Variants in KIRREL3 observed in about 807,000 individuals in gnomAD.
KIRREL3 encodes kin of IRRE-like protein 3.
KIRREL3 carries 36 observed loss-of-function variants against 89.7 expected under a neutral mutation model. That is an observed-to-expected ratio of 0.40 (90% CI 0.31 to 0.53). KIRREL3 has a LOEUF of 0.53. Ranked by LOEUF, KIRREL3 falls within the 20% of genes least tolerant of loss-of-function variation. The pLI, the probability that KIRREL3 is intolerant of heterozygous loss-of-function variation, is 0.49. For missense variants in KIRREL3, 864 were observed against 1,056.6 expected, an observed-to-expected ratio of 0.82 and a Z score of 2.53; for synonymous variants, 445 against 441.4, an observed-to-expected ratio of 1.01 and a Z score of -0.10.
intron 1 of KIRREL3, among the ~76,000 whole-genome samples, chr11:126,966,812 T>C (rs1458944665): frequency 6.6e-6 from 1 of 152,202 alleles, no homozygotes; most frequent in East Asian, 1.9e-4. Context: ...CTTACAGAAC[T>C]CTCAGGAAGA....
At position 126,912,979 on chromosome 11, in the gene KIRREL3, C is replaced by T. The variant is rs1421419340; in HGVS notation, c.55+87476G>A. On this transcript the variant is annotated intron_variant, in intron 1 of 16. Transcript: ENST00000525144. The surrounding 1 kb of genome is among the most constrained non-coding windows in gnomAD (Gnocchi z 4.7). ...AGAGAGGAAATGCCTTAAGGAACCACGAGATCCCTTGAAGAGACTCAGCTG... is the reference window on the plus strand; with the variant it reads ...AGAGAGGAAATGCCTTAAGGAACCATGAGATCCCTTGAAGAGACTCAGCTG... 2.6e-5 allele frequency among the ~76,000 whole-genome samples: 4 copies of T among 152,318 alleles called. No individual in the cohort carries two copies. Among genetic ancestry groups the T allele is most frequent in the East Asian group, 1.9e-4 (1 of 5,182 alleles).
rs1958944082 is a variant in KIRREL3, at chr11:126,531,550, A to G, written c.134-4863T>C. ...GTTTCATTGTCCTGGGATGCACTGC[A>G]TCCCCCCACCCAAGGCTCCCCCACC... On this transcript the variant is annotated intron_variant, in intron 2 of 16. Transcript: ENST00000525144. This position sits in a 1 kb window ranked among gnomAD's most constrained non-coding sequence, Gnocchi z 4.7. Among the ~76,000 whole-genome samples the G allele has an allele frequency of 6.6e-6, 1 of 151,466 alleles. No homozygotes were observed. The highest frequency in any genetic ancestry group is 1.5e-5 in the Non-Finnish European group (1 of 67,914).
At chr11:126,848,843 A>G (rs1367243295) in intron 1 of KIRREL3, among the ~76,000 whole-genome samples, 1 of 152,182 alleles carries the variant, frequency 6.6e-6, no homozygotes, top group South Asian at 2.1e-4. Flanking sequence ...TACCCTAAAT[A>G]CAAGAGACCT....
chr11:126,452,976 C>T (rs929124552), intron 7 of KIRREL3, among the ~76,000 whole-genome samples: 14 of 152,154 alleles, frequency 9.2e-5, no homozygotes, highest in Non-Finnish European at 1.5e-4. Flanking sequence ...GAGTGAGTCT[C>T]GCCCCACCCT....
chr11:126,856,429 G>A (rs1338822139), intron 1 of KIRREL3, among the ~76,000 whole-genome samples: 1 of 151,934 alleles, frequency 6.6e-6, no homozygotes, highest in Admixed American at 6.6e-5. Context: ...TAACGTAAAT[G>A]TAACACTTGC....
At chr11:126,464,305 G>A (rs541255374) in intron 5 of KIRREL3, among the ~76,000 whole-genome samples, 50 of 148,214 alleles carry the variant, frequency 3.4e-4, no homozygotes, top group African/African-American at 1.2e-3. Flanking sequence ...CCTAGGACTT[G>A]GTGACCAGCC....
At chr11:126,820,232 G>A (rs1394029028) in intron 1 of KIRREL3, among the ~76,000 whole-genome samples, 1 of 152,152 alleles carries the variant, frequency 6.6e-6, no homozygotes, top group Non-Finnish European at 1.5e-5. Context: ...GCAGATAGCT[G>A]AGTTTCAGGG....
chr11:126,573,899 G>A (rs1276332999), intron 1 of KIRREL3, among the ~76,000 whole-genome samples: 1 of 152,164 alleles, frequency 6.6e-6, no homozygotes, highest in African/African-American at 2.4e-5. Context: ...ACAGGGTTAA[G>A]GTCAAGATTG....
chr11:126,621,883 T>C (rs931485064), intron 1 of KIRREL3, among the ~76,000 whole-genome samples: 1 of 152,242 alleles, frequency 6.6e-6, no homozygotes, highest in Non-Finnish European at 1.5e-5. Flanking sequence ...AGATACATCA[T>C]CATGTTTCTC....
At chr11:126,693,136 G>A (rs1044499786) in intron 1 of KIRREL3, among the ~76,000 whole-genome samples, 3 of 152,200 alleles carry the variant, frequency 2.0e-5, no homozygotes, top group Admixed American at 2.0e-4. Context: ...CAGCTGTGCT[G>A]GGCCAGGCAC....
Position 126,462,109 on chromosome 11 carries a change from C to G in KIRREL3, c.742+1048G>C, listed in dbSNP as rs556786127. Reference sequence around the variant, plus strand: ...GGGGCTGACAGGCACCTTAGGGAGACTTTTAGGAGACTTTCAGGGGTCTCT... The same window carrying G: ...GGGGCTGACAGGCACCTTAGGGAGAGTTTTAGGAGACTTTCAGGGGTCTCT... On this transcript the variant is annotated intron_variant, in intron 6 of 16. Transcript: ENST00000525144. This position sits in a 1 kb window ranked among gnomAD's most constrained non-coding sequence, Gnocchi z 4.8. 6.6e-6 allele frequency among the ~76,000 whole-genome samples: 1 copy of G among 152,240 alleles called. No homozygotes were observed. The highest frequency in any genetic ancestry group is 2.1e-4 in the South Asian group (1 of 4,818).
chr11:126,709,124 G>A lies in KIRREL3; in HGVS notation c.56-146212C>T, dbSNP rs867777340. ...ACACTGTGCTGGGTCACTGTGTTAC[G>A]CTATGTGCTTGTTTCATTTAATACC... On this transcript the variant is annotated intron_variant, in intron 1 of 16. Transcript: ENST00000525144. The surrounding 1 kb of genome is among the most constrained non-coding windows in gnomAD (Gnocchi z 4.0). Among the ~76,000 whole-genome samples, 5 of 152,200 alleles carry A rather than the reference G, an allele frequency of 3.3e-5. No individual in the cohort carries two copies. Among genetic ancestry groups the A allele is most frequent in the Non-Finnish European group, 7.3e-5 (5 of 68,046 alleles).
At chr11:126,839,935 A>G (rs1233480002) in intron 1 of KIRREL3, among the ~76,000 whole-genome samples, 2 of 152,216 alleles carry the variant, frequency 1.3e-5, no homozygotes, top group African/African-American at 4.8e-5. Context: ...TTCCTGCTGC[A>G]CTTCGTACAG....
rs921115027 is a variant in KIRREL3 at position 126,535,265 on chromosome 11, C to T, written c.134-8578G>A. Reference sequence around the variant, plus strand: ...TACTCCTGCCTCCTGTCAGCCCACCCGGCTTCCAACCTGGATGCAGCGCCC... The same window carrying T: ...TACTCCTGCCTCCTGTCAGCCCACCTGGCTTCCAACCTGGATGCAGCGCCC... On this transcript the variant is annotated intron_variant, in intron 2 of 16. Transcript: ENST00000525144. This position sits in a 1 kb window ranked among gnomAD's most constrained non-coding sequence, Gnocchi z 4.5. Among the ~76,000 whole-genome samples the T allele has an allele frequency of 3.9e-5, 6 of 152,284 alleles. No individual in the cohort carries two copies. In the East Asian group the frequency reaches 5.8e-4, roughly 15 times the overall value.
intron 6 of KIRREL3, among the ~76,000 whole-genome samples, chr11:126,461,724 GCT>G (rs1956550597): frequency 6.6e-6 from 1 of 152,150 alleles, no homozygotes; most frequent in Admixed American, 6.5e-5. Flanking sequence ...GCCAAGATGA[GCT>G]CTCAGAACCT....
intron 1 of KIRREL3, among the ~76,000 whole-genome samples, chr11:126,899,668 A>G (rs1178002641): frequency 2.0e-5 from 3 of 152,232 alleles, no homozygotes; most frequent in African/African-American, 7.2e-5. Flanking sequence ...TTGGAAACAG[A>G]TATAGCAAAA....
intron 1 of KIRREL3, among the ~76,000 whole-genome samples, chr11:126,962,818 C>A (rs1320913542): frequency 6.6e-6 from 1 of 152,156 alleles, no homozygotes; most frequent in Admixed American, 6.5e-5. Context: ...CTTTCAGCAA[C>A]CACCACCCTG....
chr11:126,944,706 C>A (rs775463597), intron 1 of KIRREL3, among the ~76,000 whole-genome samples: 8 of 152,178 alleles, frequency 5.3e-5, no homozygotes, highest in African/African-American at 9.7e-5. Context: ...ACCTGCAAAC[C>A]TGGGGAGAGT....
intron 1 of KIRREL3, among the ~76,000 whole-genome samples, chr11:126,855,235 G>A (rs1410469759): frequency 6.6e-6 from 1 of 152,238 alleles, no homozygotes; most frequent in Non-Finnish European, 1.5e-5. Flanking sequence ...CCTAGTGGGA[G>A]GTGATTGGAT....
Sources: allele counts gnomAD v4.1 joint callset (sites outside exome capture counted in the v4.1 genomes callset), GRCh38; gene constraint gnomAD v4.1.1; non-coding constraint Gnocchi (gnomAD v3.1); transcripts MANE v1.5; gene names NCBI Gene and HGNC (gene_info 2026-07-23, HGNC 2026-07-21).